Variants in SLC6A3 observed in about 807,000 individuals in gnomAD.
SLC6A3 encodes sodium-dependent dopamine transporter.
SLC6A3 carries 19 observed loss-of-function variants against 70.4 expected under a neutral mutation model. The ratio of observed to expected loss-of-function variants is 0.27; its 90% CI spans 0.19 to 0.40. SLC6A3 has a LOEUF of 0.40. Among genes scored for constraint, SLC6A3 ranks in the 10% least tolerant of loss-of-function variants. SLC6A3 has a pLI of 1.00. For missense variants in SLC6A3, 613 were observed against 838.5 expected (o/e 0.73, Z 3.32); for synonymous variants, 368 against 356.6 (o/e 1.03, Z -0.36).
At position 1,402,796 on chromosome 5, in the gene SLC6A3, G is replaced by T; in HGVS notation, c.1767+126C>A. ...CACACACACACACAGTGTTGTGGTG[G>T]CCACCTCCAGTCTCCTCCTCTTGGT... On this transcript the variant is annotated intron_variant, in intron 13 of 14. Coordinates refer to ENST00000270349, the MANE Select transcript of SLC6A3 (RefSeq NM_001044.5). This position sits in a 1 kb window ranked among gnomAD's most constrained non-coding sequence, Gnocchi z 8.5. The T allele has an allele frequency of 1.0e-6, 1 of 957,346 alleles. No homozygotes were observed. The allele number at this position is 957,346 out of a possible 1,614,324, so 59.3% of individuals were successfully genotyped here.
At position 1,406,265 on chromosome 5, in the gene SLC6A3, T is replaced by G. The variant is rs772064063; in HGVS notation, c.1522A>C (p.Ile508Leu). ...FYGVGQFSDD[I>L]QQMTGQRPSL... ...GGCCGCTGCCCGGTCATCTGCTGGA[T>G]GTCGTCGCTGAACTGCCCAACACCT... is the stretch of plus-strand genomic sequence containing the variant. The change falls in exon 12 of 15, where the codon ATC becomes CTC. Residue 508 changes from isoleucine to leucine, a missense_variant. Physicochemically the swap from Ile to Leu is conservative, Grantham distance 5. Coordinates refer to ENST00000270349, the MANE Select transcript of SLC6A3 (RefSeq NM_001044.5). This position sits in a 1 kb window ranked among gnomAD's most constrained non-coding sequence, Gnocchi z 8.8. 5 of 1,612,952 alleles carry G rather than the reference T, an allele frequency of 3.1e-6. No homozygotes were observed. The Admixed American group carries it at 8.3e-5, about 27-fold the overall frequency.
At chr5:1,427,633 C>T (rs1384855484) in intron 4 of SLC6A3, among the ~76,000 whole-genome samples, 1 of 152,050 alleles carries the variant, frequency 6.6e-6, no homozygotes, top group African/African-American at 2.4e-5. Flanking sequence ...TATATAATGA[C>T]ACATATAGTT....
intron 8 of SLC6A3, among the ~76,000 whole-genome samples, chr5:1,412,691 C>A (rs1426779245): frequency 6.6e-6 from 1 of 152,118 alleles, no homozygotes; most frequent in East Asian, 1.9e-4. Flanking sequence ...ATCTCCCAAG[C>A]CCAATCTGCC....
In SLC6A3 at chr5:1,421,897, C is replaced by T. The variant is rs755363921; in HGVS notation, c.771G>A (p.Lys257=). 6.2e-7 allele frequency: 1 copy of T among 1,613,340 alleles called. No individual in the cohort carries two copies. Among genetic ancestry groups the T allele is most frequent in the Non-Finnish European group, 8.5e-7 (1 of 1,180,040 alleles). The change falls in exon 5 of 15, where the codon AAG becomes AAA. Residue 257 remains lysine (K), a synonymous_variant. Coordinates refer to ENST00000270349, the MANE Select transcript of SLC6A3 (RefSeq NM_001044.5). This position sits in a 1 kb window ranked among gnomAD's most constrained non-coding sequence, Gnocchi z 7.2. ...VIVLLYFSLW[K]GVKTSGKVVW... ...TCACCTTCCCTGAGGTCTTCACGCCCTTCCAGAGGCTGAAGTAGAGCAGCA... is the reference window on the plus strand; with the variant it reads ...TCACCTTCCCTGAGGTCTTCACGCCTTTCCAGAGGCTGAAGTAGAGCAGCA...
rs1756412005 is a variant in SLC6A3 at position 1,420,719 on chromosome 5, G to A, written c.793-16C>T. 1 of 1,612,616 alleles carries A rather than the reference G, an allele frequency of 6.2e-7. No homozygotes were observed. The highest frequency in any genetic ancestry group is 8.5e-7 in the Non-Finnish European group (1 of 1,179,868). On this transcript the variant is annotated splice_polypyrimidine_tract_variant and intron_variant, in intron 5 of 14. Transcript: ENST00000270349. ...TCCATACCACCTGCAGGAGAGGACA[G>A]TGTCACCAGGCTGCACAGGCAGGGC...
At position 1,411,946 on chromosome 5, in the gene SLC6A3, A is replaced by G. The variant is rs564720401; in HGVS notation, c.1157-591T>C. Among the ~76,000 whole-genome samples, 2 of 152,298 alleles carry G rather than the reference A, an allele frequency of 1.3e-5. No individual in the cohort carries two copies. The highest frequency in any genetic ancestry group is 2.1e-4 in the South Asian group (1 of 4,828). On this transcript the variant is annotated intron_variant, in intron 8 of 14. Transcript: ENST00000270349. The surrounding 1 kb of genome is among the most constrained non-coding windows in gnomAD (Gnocchi z 6.5). ...CATGCGCGCACATGCACGAACACTC[A>G]TTTGTGCATTCAAACTCATACATGC...
rs1733712091 is a variant in SLC6A3 at position 1,442,797 on chromosome 5, C to A, written c.286+115G>T. On this transcript the variant is annotated intron_variant, in intron 2 of 14. Coordinates refer to ENST00000270349, the MANE Select transcript of SLC6A3 (RefSeq NM_001044.5). The surrounding 1 kb of genome is among the most constrained non-coding windows in gnomAD (Gnocchi z 5.0). ...ACCGGCCGTGAGCTCTCACAGGGAGCTCCGTCTTCACGCATGGGAACAGCT... is the reference window on the plus strand; with the variant it reads ...ACCGGCCGTGAGCTCTCACAGGGAGATCCGTCTTCACGCATGGGAACAGCT... 23 of 1,071,988 alleles carry A rather than the reference C, an allele frequency of 2.1e-5. No individual in the cohort carries two copies. In the Admixed American group the frequency reaches 3.9e-4, roughly 18 times the overall value. 66.4% of individuals were successfully genotyped at this position (1,071,988 alleles called of 1,614,324 possible).
intron 6 of SLC6A3, 77 bp from the exon 7 acceptor site, chr5:1,416,278 G>A (rs952726632): frequency 1.9e-6 from 2 of 1,052,856 alleles, no homozygotes; most frequent in Admixed American, 3.6e-5. Flanking sequence ...CACCCTTCCT[G>A]TCCCAGCCCC....
In SLC6A3 at chr5:1,416,366, G is replaced by T. The variant is rs548343279; in HGVS notation, c.928-165C>A. 89 of 678,828 alleles carry T rather than the reference G, an allele frequency of 1.3e-4. 1 individual carries two copies. The East Asian group carries it at 2.0e-3, about 15-fold the overall frequency. 42.1% of individuals were successfully genotyped at this position (678,828 alleles called of 1,614,324 possible). A position where few individuals can be genotyped will look rare whatever the true frequency, so the allele number is the denominator to read the frequency against. ...CGACTGGTGGAAGATGCAGCCTCAGGAAGTGAACCCTCCCGGGCCAGCGGC... is the reference window on the plus strand; with the variant it reads ...CGACTGGTGGAAGATGCAGCCTCAGTAAGTGAACCCTCCCGGGCCAGCGGC... On this transcript the variant is annotated intron_variant, in intron 6 of 14. Transcript: ENST00000270349.
At position 1,411,129 on chromosome 5, in the gene SLC6A3, T is replaced by TCTGGGGGC; in HGVS notation, c.1269+106_1269+113dup. ...GCTCGCCCAAGTCAAGGACAGGAGGTCTGGGGGCCGTACGTGAGCCCAGGG... is the reference window on the plus strand; with the variant it reads ...GCTCGCCCAAGTCAAGGACAGGAGGTCTGGGGGCCTGGGGGCCGTACGTGAGCCCAGGG... On this transcript the variant is annotated intron_variant, in intron 9 of 14. Transcript: ENST00000270349. This position sits in a 1 kb window ranked among gnomAD's most constrained non-coding sequence, Gnocchi z 6.5. 1 of 750,290 alleles carries TCTGGGGGC rather than the reference T, an allele frequency of 1.3e-6. No homozygotes were observed. Among genetic ancestry groups the TCTGGGGGC allele is most frequent in the East Asian group, 2.7e-5 (1 of 37,264 alleles). 46.5% of individuals were successfully genotyped at this position (750,290 alleles called of 1,614,324 possible).
At position 1,406,378 on chromosome 5, in the gene SLC6A3, G is replaced by A; in HGVS notation, c.1499-90C>T. 5.3e-6 allele frequency: 6 copies of A among 1,128,878 alleles called. No homozygotes were observed. Among genetic ancestry groups the A allele is most frequent in the Non-Finnish European group, 6.8e-6 (5 of 740,448 alleles). 69.9% of individuals were successfully genotyped at this position (1,128,878 alleles called of 1,614,324 possible). A position where few individuals can be genotyped will look rare whatever the true frequency, so the allele number is the denominator to read the frequency against. ...GTGGGGGTCCTCGCTGACTCCCAAG[G>A]GCCCCACCTACCGGCCCCAGGCTTC... On this transcript the variant is annotated intron_variant, in intron 11 of 14. Coordinates refer to ENST00000270349, the MANE Select transcript of SLC6A3 (RefSeq NM_001044.5). This position sits in a 1 kb window ranked among gnomAD's most constrained non-coding sequence, Gnocchi z 8.8.
Position 1,409,135 on chromosome 5 carries a change from AG to A in SLC6A3, c.1399-11del, listed in dbSNP as rs774321169. 58 of 1,596,354 alleles carry A rather than the reference AG, an allele frequency of 3.6e-5. No individual in the cohort carries two copies. Among genetic ancestry groups the A allele is most frequent in the Non-Finnish European group, 1.0e-5 (12 of 1,169,622 alleles). On this transcript the variant is annotated splice_polypyrimidine_tract_variant and intron_variant, in intron 10 of 14. Transcript: ENST00000270349. ...AGACGTAGATGCCACCCTGGAAGAGAGGGGAGCCTGTGGACCTACAGAAGGG... is the reference window on the plus strand; with the variant it reads ...AGACGTAGATGCCACCCTGGAAGAGAGGGAGCCTGTGGACCTACAGAAGGG...
In SLC6A3 at chr5:1,413,380, CCTTTCAGGT is replaced by C. The variant is rs1756172126; in HGVS notation, c.1156+1302_1156+1310del. 6.6e-6 allele frequency among the ~76,000 whole-genome samples: 1 copy of C among 152,140 alleles called. No individual in the cohort carries two copies. The highest frequency in any genetic ancestry group is 1.5e-5 in the Non-Finnish European group (1 of 68,036). On this transcript the variant is annotated intron_variant, in intron 8 of 14. Coordinates refer to ENST00000270349, the MANE Select transcript of SLC6A3 (RefSeq NM_001044.5). The surrounding 1 kb of genome is among the most constrained non-coding windows in gnomAD (Gnocchi z 7.1). The stretch of plus-strand genomic sequence containing the variant: ...TTTCTGTTGCAAGCATGGAGTGGGC[CCTTTCAGGT>C]CTCTGAGCGTGTTCCTACCTGCGGT...
chr5:1,440,068 C>T (rs1235754705), intron 3 of SLC6A3, among the ~76,000 whole-genome samples: 1 of 152,122 alleles, frequency 6.6e-6, no homozygotes, highest in Non-Finnish European at 1.5e-5. Flanking sequence ...TTTCATGGTG[C>T]CAGAGCAGGA....
chr5:1,444,259 C>T (rs962355166), intron 1 of SLC6A3, among the ~76,000 whole-genome samples: 6 of 152,234 alleles, frequency 3.9e-5, no homozygotes, highest in African/African-American at 1.4e-4. Flanking sequence ...CCCCCTGCAA[C>T]GCTGAGCAGG....
chr5:1,420,752 G>A, intron 5 of SLC6A3, 49 bp from the exon 6 acceptor site: 1 of 1,607,888 alleles, frequency 6.2e-7, no homozygotes, highest in East Asian at 2.2e-5. Context: ...GGCCCTTGGT[G>A]GGAGCAGACA....
rs528663844 is a variant in SLC6A3, at chr5:1,442,161, G to C, written c.287-671C>G. Among the ~76,000 whole-genome samples, 1 of 152,178 alleles carries C rather than the reference G, an allele frequency of 6.6e-6. No individual in the cohort carries two copies. The highest frequency in any genetic ancestry group is 6.5e-5 in the Admixed American group (1 of 15,280). ...CCACTCTCTCTCCTGGGGAAGGGGA[G>C]GGGGAGGCATGGGGCCCCTCAGCTC... On this transcript the variant is annotated intron_variant, in intron 2 of 14. Transcript: ENST00000270349. The surrounding 1 kb of genome is among the most constrained non-coding windows in gnomAD (Gnocchi z 5.0).
At chr5:1,403,229 A>G (rs1755893612) in intron 12 of SLC6A3, 140 bp from the exon 13 acceptor site, 1 of 949,484 alleles carries the variant, frequency 1.1e-6, no homozygotes, top group African/African-American at 1.6e-5. Context: ...AGGCCTGCAG[A>G]CATGGCAGCT....
In SLC6A3 at chr5:1,402,331, C is replaced by T. The variant is rs565776728; in HGVS notation, c.1767+591G>A. 2.0e-5 allele frequency among the ~76,000 whole-genome samples: 3 copies of T among 151,396 alleles called. No homozygotes were observed. Among genetic ancestry groups the T allele is most frequent in the Admixed American group, 1.3e-4 (2 of 15,202 alleles). ...CACCTGCCTTTCTTCTACACAAAGGCGGCAAAACCAAGCAGAAGAAAGGAG... is the reference window on the plus strand; with the variant it reads ...CACCTGCCTTTCTTCTACACAAAGGTGGCAAAACCAAGCAGAAGAAAGGAG... On this transcript the variant is annotated intron_variant, in intron 13 of 14. Transcript: ENST00000270349. This position sits in a 1 kb window ranked among gnomAD's most constrained non-coding sequence, Gnocchi z 8.5.
Sources: gnomAD v4.1 joint callset for allele counts (sites outside exome capture counted in the v4.1 genomes callset) on GRCh38, gnomAD v4.1.1 for gene constraint, Gnocchi (gnomAD v3.1) non-coding constraint, MANE v1.5 for transcripts, NCBI Gene and HGNC (gene_info 2026-07-23, HGNC 2026-07-21) for gene names.